Variants in CPA3 observed in about 807,000 individuals in gnomAD.
The protein encoded by CPA3 is carboxypeptidase A3.
CPA3 carries 52 observed loss-of-function variants against 55.8 expected under a neutral mutation model. The observed-to-expected ratio is 0.93, with a 90% CI of 0.75 to 1.17. The LOEUF (loss-of-function observed/expected upper bound fraction) is 1.17, where lower values mean the gene tolerates loss of function less well. CPA3 is among the 50% of genes most tolerant of loss of function. The pLI, the probability that CPA3 is intolerant of heterozygous loss-of-function variation, is 0.00. For synonymous variants in CPA3, 179 were observed against 171.2 expected (o/e 1.05, Z -0.36); for missense variants, 547 against 509.1 (o/e 1.07, Z -0.72).
intron 9 of CPA3, among the ~76,000 whole-genome samples, chr3:148,884,032 G>GA (rs113385325): frequency 3.9e-4 from 59 of 150,804 alleles, no homozygotes; most frequent in Middle Eastern, 6.8e-3. Context: ...TTCTCAGGAG[G>GA]AAAAAAAAAT....
intron 10 of CPA3, among the ~76,000 whole-genome samples, chr3:148,891,992 A>G (rs531564902): frequency 1.3e-5 from 2 of 152,172 alleles, no homozygotes; most frequent in South Asian, 4.1e-4. Context: ...GCCAGTCTCT[A>G]TATTTCAGCT....
intron 3 of CPA3, among the ~76,000 whole-genome samples, chr3:148,869,558 T>A (rs1714002773): frequency 6.6e-6 from 1 of 152,062 alleles, no homozygotes; most frequent in Admixed American, 6.6e-5. Flanking sequence ...AATAATTCTT[T>A]ATGAAAAAAA....
rs201203054 is a variant in CPA3 at position 148,865,395 on chromosome 3, T to C, written c.68+20T>C. On this transcript the variant is annotated intron_variant, in intron 1 of 10. Transcript: ENST00000296046. ...TGACAGGTAAATCTTACTTCCTGTG[T>C]TCCAGTCTCTGTGTAGAAGAGAATT... 75 of 1,614,030 alleles carry C rather than the reference T, an allele frequency of 4.6e-5. No homozygotes were observed. The highest frequency in any genetic ancestry group is 8.3e-5 in the Admixed American group (5 of 60,026).
chr3:148,894,385 A>G (rs892278033), intron 10 of CPA3, among the ~76,000 whole-genome samples: 2 of 152,042 alleles, frequency 1.3e-5, no homozygotes, highest in African/African-American at 4.8e-5. Flanking sequence ...AAATCAATCA[A>G]ATGGAATCCT....
chr3:148,887,631 G>T lies in CPA3; in HGVS notation c.1066+1454G>T, dbSNP rs143138471. ...ACAATTAACTCAGATCCTGGGAAGT[G>T]AGACCACTTTCTGCTCTTACAGCAA... On this transcript the variant is annotated intron_variant, in intron 10 of 10. Coordinates refer to ENST00000296046, the MANE Select transcript of CPA3 (RefSeq NM_001870.4). Among the ~76,000 whole-genome samples, 697 of 152,252 alleles carry T rather than the reference G, an allele frequency of 4.6e-3. 12 individuals carry two copies. The highest frequency in any genetic ancestry group is 0.016 in the African/African-American group (671 of 41,540).
chr3:148,879,265 ACATCCCAAACCCC>A (rs1332980395), intron 5 of CPA3, among the ~76,000 whole-genome samples: 1 of 152,194 alleles, frequency 6.6e-6, no homozygotes, highest in Non-Finnish European at 1.5e-5. Context: ...AAGCCCATCC[ACATCCCAAACCCC>A]CATTCATTCA....
At chr3:148,883,545 A>G in intron 8 of CPA3, 68 bp from the exon 9 acceptor site, 1 of 1,270,176 alleles carries the variant, frequency 7.9e-7, no homozygotes, top group South Asian at 1.2e-5. Context: ...TCTATAATAC[A>G]TTAGAAGAGG....
chr3:148,882,700 T>A, intron 8 of CPA3, 105 bp downstream of exon 8: 2 of 849,042 alleles, frequency 2.4e-6, no homozygotes, highest in Non-Finnish European at 3.8e-6. Flanking sequence ...ATGCTTTGAG[T>A]GAGTGTTAAC....
chr3:148,881,347 G>T, intron 6 of CPA3, 175 bp from the exon 7 acceptor site: 1 of 488,736 alleles, frequency 2.0e-6, no homozygotes, highest in Non-Finnish European at 3.6e-6. Flanking sequence ...AAATAAGTTA[G>T]GTTTTTTTCC....
At chr3:148,888,876 T>C (rs1714599871) in intron 10 of CPA3, among the ~76,000 whole-genome samples, 1 of 152,128 alleles carries the variant, frequency 6.6e-6, no homozygotes, top group Non-Finnish European at 1.5e-5. Context: ...CTTTGGAGCT[T>C]TCAGAGATAA....
chr3:148,873,621 G>A (rs1845413), intron 3 of CPA3, among the ~76,000 whole-genome samples: 98,112 of 152,066 alleles, frequency 0.65, 31,957 homozygotes, highest in African/African-American at 0.7. Context: ...TAAGGAGAGT[G>A]CAGATCTGAC....
intron 10 of CPA3, among the ~76,000 whole-genome samples, chr3:148,887,454 G>A (rs976243122): frequency 9.9e-5 from 15 of 152,148 alleles, no homozygotes; most frequent in African/African-American, 2.7e-4. Flanking sequence ...AGTAACCGGC[G>A]AAGCTGGAAC....
At chr3:148,890,579 T>C (rs1189105170) in intron 10 of CPA3, among the ~76,000 whole-genome samples, 1 of 152,212 alleles carries the variant, frequency 6.6e-6, no homozygotes, top group South Asian at 2.1e-4. Context: ...CAAACTGATA[T>C]TACAGAGAAA....
chr3:148,883,798 C>G lies in CPA3; in HGVS notation c.964C>G (p.Pro322Ala), dbSNP rs1714446881. 6.2e-7 allele frequency: 1 copy of G among 1,613,778 alleles called. No individual in the cohort carries two copies. Among genetic ancestry groups the G allele is most frequent in the South Asian group, 1.1e-5 (1 of 91,072 alleles). Residue 322 changes from proline (P) to alanine (A), a missense_variant, in exon 9 of 11, where the codon CCT (proline) becomes GCT (alanine). Physicochemically the swap from Pro to Ala is conservative, Grantham distance 27. Transcript: ENST00000296046. Reference sequence around the variant, plus strand: ...CTATGGATATACATCAAAACTGCCACCTAACCATGAGGACTTGGTACGTAG... The same window carrying G: ...CTATGGATATACATCAAAACTGCCAGCTAACCATGAGGACTTGGTACGTAG... ...FPYGYTSKLP[P>A]NHEDLAKVAK...
rs578132983 is a variant in CPA3 at position 148,896,027 on chromosome 3, G to A, written c.1067-493G>A. Among the ~76,000 whole-genome samples, 118 of 152,238 alleles carry A rather than the reference G, an allele frequency of 7.8e-4. No individual in the cohort carries two copies. The South Asian group carries it at 8.1e-3, about 10-fold the overall frequency. On this transcript the variant is annotated intron_variant, in intron 10 of 10. Transcript: ENST00000296046. The stretch of plus-strand genomic sequence containing the variant: ...AATTTTGAATTAGGAGATTAAATAT[G>A]TCTTTAAAATAACTAAATTACATTT...
intron 3 of CPA3, among the ~76,000 whole-genome samples, chr3:148,869,622 A>G (rs1714004302): frequency 6.6e-6 from 1 of 152,218 alleles, no homozygotes; most frequent in African/African-American, 2.4e-5. Flanking sequence ...TAAATCAAAG[A>G]GAAAAGAATC....
At chr3:148,865,993 A>G (rs1376184832) in intron 2 of CPA3, among the ~76,000 whole-genome samples, 3 of 152,220 alleles carry the variant, frequency 2.0e-5, no homozygotes, top group Non-Finnish European at 4.4e-5. Context: ...ACATTTTCAA[A>G]TAAGACTTTT....
chr3:148,895,364 T>A (rs1298392784), intron 10 of CPA3, among the ~76,000 whole-genome samples: 1 of 152,170 alleles, frequency 6.6e-6, no homozygotes, highest in Non-Finnish European at 1.5e-5. Flanking sequence ...ATCTCCTCCA[T>A]CATGAAGGCA....
chr3:148,880,575 G>C (rs774609942), intron 6 of CPA3, among the ~76,000 whole-genome samples: 1 of 151,992 alleles, frequency 6.6e-6, no homozygotes, highest in Non-Finnish European at 1.5e-5. Context: ...CAAGTAATCT[G>C]TCCCCCTCGG....
Sources: allele counts gnomAD v4.1 joint callset (sites outside exome capture counted in the v4.1 genomes callset), GRCh38; gene constraint gnomAD v4.1.1; transcripts MANE v1.5; gene names NCBI Gene and HGNC (gene_info 2026-07-23, HGNC 2026-07-21).